The following EHMT1 variants were observed in gnomAD, a reference collection of about 807,000 sequenced individuals.
EHMT1 encodes the protein euchromatic histone lysine methyltransferase 1.
In EHMT1, 15 loss-of-function variants were observed where a neutral mutation model predicts 147.2. That is an observed-to-expected ratio of 0.10 (90% CI 0.07 to 0.16). EHMT1 has a LOEUF of 0.16. EHMT1 is among the 10% of genes least tolerant of loss of function. The pLI is 1.00. For synonymous variants in EHMT1, 795 were observed against 709.6 expected, an observed-to-expected ratio of 1.12 and a Z score of -1.91; for missense variants, 1,587 against 1,772.4, an observed-to-expected ratio of 0.90 and a Z score of 1.88.
intron 19 of EHMT1, 40 bp downstream of exon 19, chr9:137,811,655 C>G (rs1954493359): frequency 6.3e-7 from 1 of 1,598,546 alleles, no homozygotes; most frequent in East Asian, 2.2e-5. Context: ...TGGCGCTGAC[C>G]TGACCTGGGC....
chr9:137,780,461 TGTGTGGTGATGACGCTGAGAC>T (rs1951335733), intron 14 of EHMT1, among the ~76,000 whole-genome samples: 5 of 85,294 alleles, frequency 5.9e-5, no homozygotes, highest in Admixed American at 2.6e-4. Flanking sequence ...ATCACTGAGA[TGTGTGGTGATGACGCTGAGAC>T]GTGTGGTGAT....
chr9:137,795,147 G>A (rs1420752076), intron 16 of EHMT1: 1 of 152,156 alleles, frequency 6.6e-6, no homozygotes, highest in Non-Finnish European at 1.5e-5. Context: ...ATCTAAACAA[G>A]AGTGAAGTTC....
At chr9:137,733,053 C>G (rs762823563) in intron 4 of EHMT1, among the ~76,000 whole-genome samples, 2 of 152,128 alleles carry the variant, frequency 1.3e-5, no homozygotes, top group Non-Finnish European at 2.9e-5. Context: ...TAGCTTGTTC[C>G]CATGGGCAGC....
chr9:137,621,423 G>A (rs10867031), intron 1 of EHMT1, among the ~76,000 whole-genome samples: 18,980 of 152,170 alleles, frequency 0.12, 1,708 homozygotes, highest in Admixed American at 0.28. Flanking sequence ...CTGGCCAGCC[G>A]TGGTGGCTCA....
Position 137,825,376 on chromosome 9 carries a change from C to G in EHMT1, c.3540+7238C>G, listed in dbSNP as rs572391692. On this transcript the variant is annotated intron_variant, in intron 25 of 26. Coordinates refer to ENST00000460843, the MANE Select transcript of EHMT1 (RefSeq NM_024757.5). ...CGCTGACTTGCTTCCTGCAATCCTG[C>G]CTTTTCCACAATATCATGTAAGTGG... 1.3e-4 allele frequency among the ~76,000 whole-genome samples: 20 copies of G among 152,354 alleles called. No homozygotes were observed. In the South Asian group the frequency reaches 4.1e-3, roughly 32 times the overall value.
intron 1 of EHMT1, among the ~76,000 whole-genome samples, chr9:137,699,644 C>T (rs1228676036): frequency 6.6e-6 from 1 of 151,148 alleles, no homozygotes; most frequent in Non-Finnish European, 1.5e-5. Flanking sequence ...CACTGCATTC[C>T]AGCCTGGGTG....
chr9:137,662,326 T>C (rs1939166883), intron 1 of EHMT1, among the ~76,000 whole-genome samples: 1 of 151,966 alleles, frequency 6.6e-6, no homozygotes, highest in Non-Finnish European at 1.5e-5. Context: ...GCTTCCTGAG[T>C]AGCTGGGACT....
At chr9:137,800,822 T>C (rs1051169107) in intron 17 of EHMT1, 58 bp from the exon 18 acceptor site, 20 of 1,527,680 alleles carry the variant, frequency 1.3e-5, no homozygotes, top group African/African-American at 4.1e-5. Context: ...GGAGTCCTCA[T>C]TGCTCTGGTG....
At chr9:137,784,623 G>C in intron 15 of EHMT1, 1 of 180,490 alleles carries the variant, frequency 5.5e-6, no homozygotes, top group Non-Finnish European at 1.1e-5. Flanking sequence ...CTCACATGCA[G>C]ACTTGACTTA....
intron 14 of EHMT1, among the ~76,000 whole-genome samples, chr9:137,781,174 TGACGCTGGGACGTGTGGTGAC>T (rs1951471622): frequency 1.3e-3 from 4 of 3,016 alleles, no homozygotes; most frequent in Middle Eastern, 0.12. Context: ...CGTGTGGTGA[TGACGCTGGGACGTGTGGTGAC>T]GACGCTGAGA....
At chr9:137,685,598 G>A (rs1442241366) in intron 1 of EHMT1, among the ~76,000 whole-genome samples, 1 of 152,174 alleles carries the variant, frequency 6.6e-6, no homozygotes, top group Non-Finnish European at 1.5e-5. Context: ...GGAATTGCTG[G>A]ATCATGTGGT....
At position 137,811,557 on chromosome 9, in the gene EHMT1, A is replaced by G. The variant is rs1954484644; in HGVS notation, c.2809A>G (p.Ile937Val). ...AAKCDLHAVN[I>V]HGDSPLHIAA... is the part of the protein sequence containing the mutation. Reference sequence around the variant, plus strand: ...CAAGTGCGACCTCCACGCCGTGAACATCCACGGAGACTCGCCACTGCACAT... The same window carrying G: ...CAAGTGCGACCTCCACGCCGTGAACGTCCACGGAGACTCGCCACTGCACAT... The change falls in exon 19 of 27, where the codon ATC becomes GTC. Residue 937 changes from isoleucine (I) to valine (V), a missense_variant. Physicochemically the swap from Ile to Val is conservative, Grantham distance 29. Around this residue, in one of 7 missense-constraint regions of EHMT1, gnomAD observed 201 missense variants for 350.1 expected, o/e 0.57. Transcript: ENST00000460843. 1 of 1,608,318 alleles carries G rather than the reference A, an allele frequency of 6.2e-7. No homozygotes were observed. Among genetic ancestry groups the G allele is most frequent in the Non-Finnish European group, 8.5e-7 (1 of 1,179,990 alleles).
chr9:137,788,055 G>T, intron 15 of EHMT1: 1 of 1,365,118 alleles, frequency 7.3e-7, no homozygotes, highest in African/African-American at 1.4e-5. Flanking sequence ...GATGGCTCCC[G>T]CTGGCAAAGT....
chr9:137,628,239 C>T (rs1359943938), intron 1 of EHMT1, among the ~76,000 whole-genome samples: 1 of 152,166 alleles, frequency 6.6e-6, no homozygotes, highest in African/African-American at 2.4e-5. Context: ...GTTTCTCCTT[C>T]CTCTACTCTG....
At chr9:137,715,469 G>A (rs1001011494) in intron 2 of EHMT1, 16 of 909,374 alleles carry the variant, frequency 1.8e-5, no homozygotes, top group African/African-American at 3.6e-5. Flanking sequence ...AAGGACAGAC[G>A]GCCAGCATGA....
chr9:137,825,507 T>TA (rs1216056004), intron 25 of EHMT1, among the ~76,000 whole-genome samples: 2 of 152,088 alleles, frequency 1.3e-5, no homozygotes, highest in Non-Finnish European at 2.9e-5. Flanking sequence ...CACCTCTGTT[T>TA]GTGTCCTGTG....
chr9:137,739,464 G>T (rs979747311), intron 4 of EHMT1, among the ~76,000 whole-genome samples: 2 of 152,198 alleles, frequency 1.3e-5, no homozygotes, highest in African/African-American at 4.8e-5. Flanking sequence ...GGTAGAAGCT[G>T]CAGGTCCCTG....
intron 18 of EHMT1, among the ~76,000 whole-genome samples, chr9:137,806,588 A>T (rs143141418): frequency 2.6e-5 from 4 of 151,984 alleles, no homozygotes; most frequent in South Asian, 2.1e-4. Flanking sequence ...GGCGCTGGCC[A>T]CCACGCCCGG....
chr9:137,770,754 C>T (rs1950538890), intron 10 of EHMT1, among the ~76,000 whole-genome samples: 1 of 152,228 alleles, frequency 6.6e-6, no homozygotes, highest in East Asian at 1.9e-4. Flanking sequence ...TTCCCTGCCT[C>T]CTCTGAGCAC....
Sources: allele counts gnomAD v4.1 joint callset (sites outside exome capture counted in the v4.1 genomes callset), GRCh38; gene constraint gnomAD v4.1.1; regional missense constraint gnomAD v4.1.1; transcripts MANE v1.5; gene names NCBI Gene and HGNC (gene_info 2026-07-23, HGNC 2026-07-21).